EPHA3: variants seen among roughly 807,000 people sequenced by gnomAD.
EPHA3 encodes the protein ephrin type-A receptor 3.
A neutral mutation model predicts 107.1 loss-of-function variants in EPHA3; 42 were observed. The observed-to-expected ratio is 0.39, with a 90% CI of 0.31 to 0.51. The LOEUF (loss-of-function observed/expected upper bound fraction) is 0.51, where lower values mean the gene tolerates loss of function less well. EPHA3 is among the 20% of genes least tolerant of loss of function. The pLI is 0.78. For missense variants in EPHA3, 1,183 were observed against 1,211.2 expected, an observed-to-expected ratio of 0.98 and a Z score of 0.35; for synonymous variants, 461 against 424.8, an observed-to-expected ratio of 1.09 and a Z score of -1.05.
chr3:89,181,805 A>G (rs1392959352), intron 2 of EPHA3, among the ~76,000 whole-genome samples: 1 of 152,022 alleles, frequency 6.6e-6, no homozygotes, highest in Non-Finnish European at 1.5e-5. Flanking sequence ...TTGCATGCTC[A>G]GAAAGCTGGC....
At chr3:89,269,349 T>C (rs1298706041) in intron 3 of EPHA3, among the ~76,000 whole-genome samples, 1 of 152,122 alleles carries the variant, frequency 6.6e-6, no homozygotes, top group Admixed American at 6.6e-5. Context: ...TGATATCATC[T>C]GAGAATATAT....
chr3:89,187,573 T>C (rs977372291), intron 2 of EPHA3, among the ~76,000 whole-genome samples: 3 of 151,900 alleles, frequency 2.0e-5, no homozygotes, highest in African/African-American at 7.2e-5. Context: ...TAATTTAAAT[T>C]AAAAAATGAA....
intron 5 of EPHA3, among the ~76,000 whole-genome samples, chr3:89,355,829 T>TA (rs1707936593): frequency 6.7e-6 from 1 of 148,650 alleles, no homozygotes; most frequent in Non-Finnish European, 1.5e-5. Flanking sequence ...TATATATATA[T>TA]TTTTTATTTT....
rs114304542 is a variant in EPHA3, at chr3:89,475,706, A to G, written c.2846+3087A>G. Among the ~76,000 whole-genome samples the G allele has an allele frequency of 7.2e-3, 1,091 of 152,314 alleles. 8 individuals are homozygous for G. The highest frequency in any genetic ancestry group is 0.025 in the African/African-American group (1,043 of 41,566). On this transcript the variant is annotated intron_variant, in intron 16 of 16. Transcript: ENST00000336596. ...ATGAATATTAAGCAGATTCATTGCCACATGTCATTATCCTGCACCCTTGGA... is the reference window on the plus strand; with the variant it reads ...ATGAATATTAAGCAGATTCATTGCCGCATGTCATTATCCTGCACCCTTGGA...
rs193034500 is a variant in EPHA3 at position 89,267,068 on chromosome 3, A to G, written c.814+56548A>G. The stretch of plus-strand genomic sequence containing the variant: ...ATTTTTCCTCAGAGAGCATAAGACA[A>G]TTTGCAGAGTATAAGCAAACTGAAT... On this transcript the variant is annotated intron_variant, in intron 3 of 16. Coordinates refer to ENST00000336596, the MANE Select transcript of EPHA3 (RefSeq NM_005233.6). Among the ~76,000 whole-genome samples, 18 of 152,248 alleles carry G rather than the reference A, an allele frequency of 1.2e-4. No individual in the cohort carries two copies. In the East Asian group the frequency reaches 3.3e-3, roughly 28 times the overall value.
intron 3 of EPHA3, among the ~76,000 whole-genome samples, chr3:89,222,777 G>A (rs779415916): frequency 8.6e-5 from 13 of 151,942 alleles, no homozygotes; most frequent in Non-Finnish European, 1.6e-4. Context: ...CACAAAATAC[G>A]TTAATAAATA....
intron 5 of EPHA3, among the ~76,000 whole-genome samples, chr3:89,351,896 A>G (rs1289898963): frequency 1.3e-5 from 2 of 149,902 alleles, no homozygotes; most frequent in African/African-American, 4.9e-5. Context: ...AAAATAAATA[A>G]GTAATTTTCT....
intron 3 of EPHA3, among the ~76,000 whole-genome samples, chr3:89,286,434 G>T (rs1304066571): frequency 2.0e-5 from 3 of 151,960 alleles, no homozygotes; most frequent in Non-Finnish European, 4.4e-5. Context: ...ACGGTACATT[G>T]GCAAAGGCGA....
intron 1 of EPHA3, among the ~76,000 whole-genome samples, chr3:89,120,280 C>T (rs1447661256): frequency 6.6e-6 from 1 of 152,108 alleles, no homozygotes; most frequent in African/African-American, 2.4e-5. Flanking sequence ...AAATAAAATG[C>T]TGTTTACATA....
intron 2 of EPHA3, among the ~76,000 whole-genome samples, chr3:89,166,063 G>A (rs9815025): frequency 0.23 from 34,245 of 151,962 alleles, 4,003 homozygotes; most frequent in Middle Eastern, 0.33. Flanking sequence ...TTAAAACCCC[G>A]GTGATCTAAC....
chr3:89,326,211 T>C (rs1272857458), intron 3 of EPHA3, among the ~76,000 whole-genome samples: 2 of 152,020 alleles, frequency 1.3e-5, no homozygotes, highest in African/African-American at 4.8e-5. Context: ...CCATGGATGC[T>C]CAAGTCCCTT....
At chr3:89,241,355 T>C (rs1300663615) in intron 3 of EPHA3, among the ~76,000 whole-genome samples, 1 of 152,192 alleles carries the variant, frequency 6.6e-6, no homozygotes, top group African/African-American at 2.4e-5. Context: ...GAAAACTGAT[T>C]GGCATTTGCC....
chr3:89,176,893 A>G (rs1705330983), intron 2 of EPHA3, among the ~76,000 whole-genome samples: 1 of 152,192 alleles, frequency 6.6e-6, no homozygotes, highest in Non-Finnish European at 1.5e-5. Context: ...TAAAATAAAT[A>G]CATGCAGATA....
intron 1 of EPHA3, 114 bp downstream of exon 1, chr3:89,107,950 G>T: frequency 2.1e-6 from 2 of 932,374 alleles, no homozygotes; most frequent in Admixed American, 2.3e-5. Context: ...AGAGCAGTTT[G>T]CTCTGAGAGT....
Position 89,396,849 on chromosome 3 carries a change from G to T in EPHA3, c.1431+888G>T, listed in dbSNP as rs115342110. 6.6e-3 allele frequency among the ~76,000 whole-genome samples: 1,007 copies of T among 152,268 alleles called. 5 individuals carry two copies. The highest frequency in any genetic ancestry group is 0.011 in the Non-Finnish European group (770 of 67,996). On this transcript the variant is annotated intron_variant, in intron 6 of 16. Transcript: ENST00000336596. ...TTCTGTGGACATTACTTAAGTCTGA[G>T]CTGTATAACAACCTTATGGAAGTAG...
At chr3:89,280,034 TG>T (rs1338675131) in intron 3 of EPHA3, among the ~76,000 whole-genome samples, 3 of 151,354 alleles carry the variant, frequency 2.0e-5, no homozygotes, top group Non-Finnish European at 2.9e-5. Context: ...CCTGTGTGTG[TG>T]TGTGTGTGTG....
intron 5 of EPHA3, among the ~76,000 whole-genome samples, chr3:89,350,874 C>A (rs1282443489): frequency 6.6e-6 from 1 of 151,154 alleles, no homozygotes; most frequent in South Asian, 2.1e-4. Context: ...GAATACCCTG[C>A]CTTGTGAGGT....
At chr3:89,375,630 A>G (rs1559671083) in intron 5 of EPHA3, among the ~76,000 whole-genome samples, 1 of 151,782 alleles carries the variant, frequency 6.6e-6, no homozygotes, top group Non-Finnish European at 1.5e-5. Context: ...ATAATTTTTT[A>G]TCCCCAAGAC....
At position 89,110,713 on chromosome 3, in the gene EPHA3, C is replaced by T. The variant is rs1296142675; in HGVS notation, c.88+2877C>T. On this transcript the variant is annotated intron_variant, in intron 1 of 16. Coordinates refer to ENST00000336596, the MANE Select transcript of EPHA3 (RefSeq NM_005233.6). ...ATGGCAAAATATGATTGCTACACTA[C>T]GTATTATTTTAAAAGTTCATATACT... 2.6e-5 allele frequency among the ~76,000 whole-genome samples: 4 copies of T among 152,058 alleles called. No homozygotes were observed. The East Asian group carries it at 5.8e-4, about 22-fold the overall frequency.
Sources: allele counts gnomAD v4.1 joint callset (sites outside exome capture counted in the v4.1 genomes callset), GRCh38; gene constraint gnomAD v4.1.1; transcripts MANE v1.5; gene names NCBI Gene and HGNC (gene_info 2026-07-23, HGNC 2026-07-21).